The following SLC38A10 variants were observed in gnomAD, a reference collection of about 807,000 sequenced individuals.
SLC38A10 encodes the protein solute carrier family 38 member 10, also known as Sodium-coupled neutral amino acid transporter 10.
A neutral mutation model predicts 81.0 loss-of-function variants in SLC38A10; 53 were observed. The ratio of observed to expected loss-of-function variants is 0.65; its 90% CI spans 0.53 to 0.82. SLC38A10 has a LOEUF of 0.82. SLC38A10 is among the 40% of genes least tolerant of loss of function. The pLI, the probability that SLC38A10 is intolerant of heterozygous loss-of-function variation, is 0.00. For synonymous variants in SLC38A10, 665 were observed against 655.3 expected, an observed-to-expected ratio of 1.01 and a Z score of -0.23; for missense variants, 1,471 against 1,545.0, an observed-to-expected ratio of 0.95 and a Z score of 0.80.
intron 11 of SLC38A10, among the ~76,000 whole-genome samples, chr17:81,259,623 C>T (rs934428052): frequency 6.6e-6 from 1 of 152,204 alleles, no homozygotes; most frequent in Non-Finnish European, 1.5e-5. Flanking sequence ...GAAAGCCACA[C>T]TCAGGAAACA....
chr17:81,266,468 A>T (rs1211634191), intron 10 of SLC38A10, among the ~76,000 whole-genome samples: 1 of 152,000 alleles, frequency 6.6e-6, no homozygotes, highest in African/African-American at 2.4e-5. Flanking sequence ...AAATACAAAA[A>T]ATTAGCCGGG....
At chr17:81,266,961 A>C (rs1203187035) in intron 10 of SLC38A10, among the ~76,000 whole-genome samples, 1 of 152,254 alleles carries the variant, frequency 6.6e-6, no homozygotes, top group East Asian at 1.9e-4. Context: ...TATGCAGAAA[A>C]TGTATTATTA....
chr17:81,283,851 C>A lies in SLC38A10; in HGVS notation c.264-349G>T, dbSNP rs1005457548. Among the ~76,000 whole-genome samples, 3 of 151,360 alleles carry A rather than the reference C, an allele frequency of 2.0e-5. No homozygotes were observed. Among genetic ancestry groups the A allele is most frequent in the Non-Finnish European group, 4.4e-5 (3 of 67,828 alleles). On this transcript the variant is annotated intron_variant, in intron 3 of 15. Coordinates refer to ENST00000374759, the MANE Select transcript of SLC38A10 (RefSeq NM_001037984.3). This position sits in a 1 kb window ranked among gnomAD's most constrained non-coding sequence, Gnocchi z 4.7. ...GTCTCGATCTCCTGACCTCTGTGAT[C>A]CGCCTGCCTCAGCCTCCCAAAGTGC...
intron 10 of SLC38A10, among the ~76,000 whole-genome samples, chr17:81,260,962 T>C (rs1167232668): frequency 6.6e-6 from 1 of 152,226 alleles, no homozygotes; most frequent in Non-Finnish European, 1.5e-5. Flanking sequence ...CCCGTGCGCA[T>C]GAAGGGCTTG....
intron 14 of SLC38A10, among the ~76,000 whole-genome samples, chr17:81,249,034 C>T (rs4969423): frequency 0.6 from 91,195 of 151,932 alleles, 28,845 homozygotes; most frequent in East Asian, 0.86. Context: ...GGCTCAACCA[C>T]GGAATGTCAA....
rs545244159 is a variant in SLC38A10 at position 81,261,104 on chromosome 17, G to A, written c.1132-710C>T. ...GACCTCCAGGCACTCTTTGCCGAAG[G>A]CTCTCCCTGTGTGACCTAGTCCTCC... is the stretch of plus-strand genomic sequence containing the variant. On this transcript the variant is annotated intron_variant, in intron 10 of 15. Transcript: ENST00000374759. Among the ~76,000 whole-genome samples, 13 of 152,356 alleles carry A rather than the reference G, an allele frequency of 8.5e-5. No individual in the cohort carries two copies. The South Asian group carries it at 1.7e-3, about 19-fold the overall frequency.
intron 11 of SLC38A10, among the ~76,000 whole-genome samples, chr17:81,258,306 C>A (rs989571124): frequency 6.6e-6 from 1 of 152,148 alleles, no homozygotes; most frequent in East Asian, 1.9e-4. Flanking sequence ...CCATCTATCA[C>A]GGGGGAGCCG....
At chr17:81,257,853 C>G (rs1047981249) in intron 11 of SLC38A10, among the ~76,000 whole-genome samples, 2 of 152,252 alleles carry the variant, frequency 1.3e-5, no homozygotes, top group Non-Finnish European at 2.9e-5. Flanking sequence ...CCCTGCTGTG[C>G]TGCCCCATGC....
Position 81,245,896 on chromosome 17 carries a change from G to T in SLC38A10, c.3020C>A (p.Ala1007Asp). The T allele has an allele frequency of 6.2e-7, 1 of 1,612,106 alleles. No individual in the cohort carries two copies. Among genetic ancestry groups the T allele is most frequent in the Non-Finnish European group, 8.5e-7 (1 of 1,179,522 alleles). Residue 1007 changes from alanine (A) to aspartate (D), a missense_variant, in exon 16 of 16, where the codon GCT (alanine) becomes GAT (aspartate). Transcript: ENST00000374759. ...SHEQPRGGEDAAVQEPRQRPE... is the reference protein window; with the variant it reads ...SHEQPRGGEDDAVQEPRQRPE... ...CCTCTGCCTGGGCTCCTGGACAGCAGCGTCCTCCCCGCCTCTCGGCTGCTC... is the reference window on the plus strand; with the variant it reads ...CCTCTGCCTGGGCTCCTGGACAGCATCGTCCTCCCCGCCTCTCGGCTGCTC...
chr17:81,255,266 C>A (rs545396390), intron 11 of SLC38A10, among the ~76,000 whole-genome samples: 1 of 152,400 alleles, frequency 6.6e-6, no homozygotes, highest in Admixed American at 6.5e-5. Context: ...GCACTCACAG[C>A]CTTCATGCCC....
At chr17:81,247,873 C>T (rs997507182) in intron 14 of SLC38A10, among the ~76,000 whole-genome samples, 1 of 150,350 alleles carries the variant, frequency 6.7e-6, no homozygotes, top group Non-Finnish European at 1.5e-5. Context: ...AAACTGTAAG[C>T]TATGTTTTGA....
At chr17:81,291,664 G>C (rs2146960882) in intron 1 of SLC38A10, among the ~76,000 whole-genome samples, 1 of 152,190 alleles carries the variant, frequency 6.6e-6, no homozygotes, top group Admixed American at 6.5e-5. Flanking sequence ...CGCACCCTGG[G>C]GCCCGGCCAC....
Position 81,251,622 on chromosome 17 carries a change from C to G in SLC38A10, c.1946-10G>C. On this transcript the variant is annotated splice_polypyrimidine_tract_variant and intron_variant, in intron 13 of 15. Transcript: ENST00000374759. ...AGGGGAGGCTTCCCACCTGCACACA[C>G]GGTGAAGACTCAGAAGGTTTTGCAG... The G allele has an allele frequency of 6.8e-7, 1 of 1,473,716 alleles. No homozygotes were observed. Among genetic ancestry groups the G allele is most frequent in the Non-Finnish European group, 8.9e-7 (1 of 1,120,346 alleles). The allele number at this position is 1,473,716 out of a possible 1,614,324, so 91.3% of individuals were successfully genotyped here. A position where few individuals can be genotyped will look rare whatever the true frequency, so the allele number is the denominator to read the frequency against.
Position 81,247,048 on chromosome 17 carries a change from C to T in SLC38A10, c.2079G>A (p.Ala693=), listed in dbSNP as rs375999646. ...AASQLEEAGR[A]EMLDHAVLLQ... Reference sequence around the variant, plus strand: ...GCAGGACGGCGTGGTCCAGCATCTCCGCCCTGCCAGCTTCTGGGTTTGGAA... The same window carrying T: ...GCAGGACGGCGTGGTCCAGCATCTCTGCCCTGCCAGCTTCTGGGTTTGGAA... The change falls in exon 15 of 16, where the codon GCG becomes GCA. Residue 693 remains alanine (A), a synonymous_variant. Transcript: ENST00000374759. 6.8e-5 allele frequency: 108 copies of T among 1,586,162 alleles called. No individual in the cohort carries two copies. Among genetic ancestry groups the T allele is most frequent in the South Asian group, 2.4e-4 (22 of 89,968 alleles).
intron 11 of SLC38A10, among the ~76,000 whole-genome samples, chr17:81,256,068 C>T (rs1486136798): frequency 6.6e-6 from 1 of 152,264 alleles, no homozygotes; most frequent in Non-Finnish European, 1.5e-5. Flanking sequence ...TTTATGCTGT[C>T]CCAGCGGCTC....
Position 81,268,402 on chromosome 17 carries a change from CTTT to C in SLC38A10, c.1131+2513_1131+2515del, listed in dbSNP as rs886688142. 8.6e-5 allele frequency among the ~76,000 whole-genome samples: 13 copies of C among 151,932 alleles called. No homozygotes were observed. In the East Asian group the frequency reaches 2.1e-3, roughly 25 times the overall value. ...TCAATACTTTTTTCTTTTTCTTCTTCTTTTTTTTCTTTTTTTTTTGAGACGGAG... is the reference window on the plus strand; with the variant it reads ...TCAATACTTTTTTCTTTTTCTTCTTCTTTTTCTTTTTTTTTTGAGACGGAG... On this transcript the variant is annotated intron_variant, in intron 10 of 15. Transcript: ENST00000374759.
chr17:81,252,594 C>T lies in SLC38A10; in HGVS notation c.1546G>A (p.Val516Met). ...GATGGAGGTTTGTTCTCTTCTGGCA[C>T]CTCTCGGTCTTGGCCTTCATCTACC... Reference protein sequence around the residue: ...VVVDEGQDREVPEENKPPSRH... With the variant: ...VVVDEGQDREMPEENKPPSRH... The change falls in exon 13 of 16, where the codon GTG becomes ATG. Residue 516 changes from valine (V) to methionine (M), a missense_variant. Val to Met is a conservative substitution (Grantham distance 21). Transcript: ENST00000374759. 1 of 1,613,430 alleles carries T rather than the reference C, an allele frequency of 6.2e-7. No individual in the cohort carries two copies. Among genetic ancestry groups the T allele is most frequent in the Non-Finnish European group, 8.5e-7 (1 of 1,180,056 alleles).
chr17:81,250,762 G>A, intron 14 of SLC38A10: 1 of 917,024 alleles, frequency 1.1e-6, no homozygotes, highest in Non-Finnish European at 1.3e-6. Flanking sequence ...ACATGGCACA[G>A]AAGCCTGTCC....
chr17:81,264,575 G>A (rs2063053997), intron 10 of SLC38A10: 1 of 152,388 alleles, frequency 6.6e-6, no homozygotes. Flanking sequence ...CAAATGCAGA[G>A]AGAAGCACCA....
Sources: gnomAD v4.1 joint callset for allele counts (sites outside exome capture counted in the v4.1 genomes callset) on GRCh38, gnomAD v4.1.1 for gene constraint, Gnocchi (gnomAD v3.1) non-coding constraint, MANE v1.5 for transcripts, NCBI Gene and HGNC (gene_info 2026-07-23, HGNC 2026-07-21) for gene names.